DPP10: variants seen among roughly 807,000 people sequenced by gnomAD.
The protein encoded by DPP10 is inactive dipeptidyl peptidase 10.
In DPP10, 33 loss-of-function variants were observed where a neutral mutation model predicts 120.9. The ratio of observed to expected loss-of-function variants is 0.27; its 90% CI spans 0.21 to 0.37. The LOEUF is 0.37. Ranked by LOEUF, DPP10 falls within the 10% of genes least tolerant of loss-of-function variation. The pLI is 1.00. For synonymous variants in DPP10, 337 were observed against 326.1 expected (o/e 1.03, Z -0.36); for missense variants, 816 against 942.8 (o/e 0.87, Z 1.76).
chr2:114,604,052 T>C (rs1692590476), intron 1 of DPP10, among the ~76,000 whole-genome samples: 2 of 152,084 alleles, frequency 1.3e-5, no homozygotes, highest in South Asian at 4.1e-4. Flanking sequence ...TTGCTTAATT[T>C]CTTCAGCAAG....
intron 1 of DPP10, among the ~76,000 whole-genome samples, chr2:114,874,464 G>A (rs1210079582): frequency 1.3e-5 from 2 of 151,960 alleles, no homozygotes; most frequent in Non-Finnish European, 2.9e-5. Flanking sequence ...ATGAGATTAC[G>A]GAGTAGACTG....
At chr2:115,348,148 A>G (rs925447498) in intron 3 of DPP10, among the ~76,000 whole-genome samples, 7 of 152,110 alleles carry the variant, frequency 4.6e-5, no homozygotes, top group Non-Finnish European at 8.8e-5. Context: ...AGTCAGTTCA[A>G]CGTACTCAGC....
chr2:115,540,616 G>A (rs539179070), intron 5 of DPP10, among the ~76,000 whole-genome samples: 9 of 151,830 alleles, frequency 5.9e-5, no homozygotes, highest in East Asian at 5.8e-4. Flanking sequence ...TAAGTTATTC[G>A]TGCATAATTT....
At chr2:114,845,987 A>AT (rs538152269) in intron 1 of DPP10, among the ~76,000 whole-genome samples, 24 of 149,866 alleles carry the variant, frequency 1.6e-4, no homozygotes, top group South Asian at 8.4e-4. Flanking sequence ...CTTACTGCAG[A>AT]TTTTTTTTTT....
At chr2:115,313,928 C>T (rs2061682665) in intron 2 of DPP10, among the ~76,000 whole-genome samples, 1 of 152,012 alleles carries the variant, frequency 6.6e-6, no homozygotes, top group African/African-American at 2.4e-5. Flanking sequence ...GGAGTTTACC[C>T]ACGTTTATTT....
chr2:115,070,720 A>G (rs933710020), intron 1 of DPP10, among the ~76,000 whole-genome samples: 2 of 152,210 alleles, frequency 1.3e-5, no homozygotes, highest in Non-Finnish European at 2.9e-5. Context: ...AGGAATACCA[A>G]TTATAAATAT....
chr2:114,949,299 C>G (rs1202295534), intron 1 of DPP10, among the ~76,000 whole-genome samples: 1 of 152,096 alleles, frequency 6.6e-6, no homozygotes, highest in Non-Finnish European at 1.5e-5. Context: ...GGAAGCACCT[C>G]CATAATCCAG....
At chr2:115,149,757 G>A (rs1020262026) in intron 1 of DPP10, among the ~76,000 whole-genome samples, 1 of 152,122 alleles carries the variant, frequency 6.6e-6, no homozygotes, top group African/African-American at 2.4e-5. Context: ...TGCTACTAGG[G>A]TTGCCAAAGT....
At chr2:114,591,043 A>G (rs765473815) in intron 1 of DPP10, among the ~76,000 whole-genome samples, 8 of 152,210 alleles carry the variant, frequency 5.3e-5, no homozygotes, top group Non-Finnish European at 1.2e-4. Context: ...TAAATCCTGA[A>G]TAGGAGCCAG....
rs1479448718 is a variant in DPP10 at position 115,844,223 on chromosome 2, A to G, written c.*1878A>G. On this transcript the variant is annotated 3_prime_UTR_variant, in exon 26 of 26. Transcript: ENST00000410059. Reference sequence around the variant, plus strand: ...TCTTTTTAGGCTAATTTGAAATCCAACTGAAGCTTTTTAACCAATATTTTA... The same window carrying G: ...TCTTTTTAGGCTAATTTGAAATCCAGCTGAAGCTTTTTAACCAATATTTTA... 2 of 152,606 alleles carry G rather than the reference A, an allele frequency of 1.3e-5. No homozygotes were observed. The highest frequency in any genetic ancestry group is 2.4e-5 in the African/African-American group (1 of 41,456). The allele number at this position is 152,606 out of a possible 1,614,324, so 9.5% of individuals were successfully genotyped here.
chr2:115,418,190 C>A (rs1354140592), intron 3 of DPP10, among the ~76,000 whole-genome samples: 1 of 152,092 alleles, frequency 6.6e-6, no homozygotes, highest in Non-Finnish European at 1.5e-5. Context: ...AAGGATGACT[C>A]ATTTTTTGAT....
intron 5 of DPP10, among the ~76,000 whole-genome samples, chr2:115,680,147 AATTTTCT>A (rs1169772831): frequency 6.6e-6 from 1 of 151,998 alleles, no homozygotes; most frequent in Admixed American, 6.5e-5. Context: ...AAAATTTTAA[AATTTTCT>A]AAATGACAAG....
chr2:114,665,410 C>T (rs1024902300), intron 1 of DPP10, among the ~76,000 whole-genome samples: 74 of 152,168 alleles, frequency 4.9e-4, no homozygotes, highest in African/African-American at 1.6e-3. Context: ...TTTCTCTTAT[C>T]ATTTTTTTTC....
At chr2:114,678,584 T>C (rs990432955) in intron 1 of DPP10, among the ~76,000 whole-genome samples, 1 of 152,080 alleles carries the variant, frequency 6.6e-6, no homozygotes, top group African/African-American at 2.4e-5. Context: ...TGTGATTATT[T>C]ATTTACAAAA....
intron 1 of DPP10, among the ~76,000 whole-genome samples, chr2:114,562,372 C>G (rs1330933416): frequency 1.3e-5 from 2 of 152,198 alleles, no homozygotes; most frequent in Non-Finnish European, 2.9e-5. Flanking sequence ...CCAATCATCT[C>G]AAGTCCATTG....
At chr2:114,993,580 G>GTATGTATATATATATATATATATATA (rs1700883816) in intron 1 of DPP10, among the ~76,000 whole-genome samples, 1 of 97,326 alleles carries the variant, frequency 1.0e-5, no homozygotes, top group Admixed American at 1.3e-4. Flanking sequence ...GTGTGTGTGT[G>GTATGTATATATATATATATATATATA]TATATATATA....
At chr2:115,080,516 C>T (rs1295724235) in intron 1 of DPP10, among the ~76,000 whole-genome samples, 7 of 152,138 alleles carry the variant, frequency 4.6e-5, no homozygotes, top group South Asian at 2.1e-4. Context: ...AGAGTTTTGT[C>T]GGAAACAACC....
At chr2:114,844,997 AAG>A (rs1214446368) in intron 1 of DPP10, among the ~76,000 whole-genome samples, 1 of 152,152 alleles carries the variant, frequency 6.6e-6, no homozygotes, top group Non-Finnish European at 1.5e-5. Context: ...AAGAAGCACA[AAG>A]AGATTCTGAA....
At chr2:115,088,762 A>AAAAAAAAAAAAAAAC (rs1559080192) in intron 1 of DPP10, among the ~76,000 whole-genome samples, 1 of 150,312 alleles carries the variant, frequency 6.7e-6, no homozygotes. Flanking sequence ...AAAAAAAAAA[A>AAAAAAAAAAAAAAAC]AAAAAAACCA....
Sources: allele counts gnomAD v4.1 joint callset (sites outside exome capture counted in the v4.1 genomes callset), GRCh38; gene constraint gnomAD v4.1.1; transcripts MANE v1.5; gene names NCBI Gene and HGNC (gene_info 2026-07-23, HGNC 2026-07-21).